The following FMNL2 variants were observed in gnomAD, a reference collection of about 807,000 sequenced individuals.
FMNL2 encodes formin-like protein 2.
FMNL2 carries 51 observed loss-of-function variants against 130.2 expected under a neutral mutation model. The observed-to-expected ratio is 0.39, with a 90% CI of 0.31 to 0.49. The LOEUF (loss-of-function observed/expected upper bound fraction) is 0.49, where lower values mean the gene tolerates loss of function less well. Ranked by LOEUF, FMNL2 falls within the 20% of genes least tolerant of loss-of-function variation. The probability of loss-of-function intolerance (pLI) is 0.85; values close to 1 mark genes in which losing one functional copy is unlikely to be tolerated. For missense variants in FMNL2, 977 were observed against 1,316.2 expected (o/e 0.74, Z 3.99); for synonymous variants, 465 against 467.1 (o/e 1.00, Z 0.06).
chr2:152,369,129 T>C (rs1683729228), intron 1 of FMNL2, among the ~76,000 whole-genome samples: 1 of 152,188 alleles, frequency 6.6e-6, no homozygotes, highest in African/African-American at 2.4e-5. Flanking sequence ...AAATCATACT[T>C]CCCACTTTGT....
chr2:152,533,722 A>G (rs1320741769), intron 2 of FMNL2, among the ~76,000 whole-genome samples: 1 of 152,040 alleles, frequency 6.6e-6, no homozygotes, highest in Non-Finnish European at 1.5e-5. Flanking sequence ...TTTATACAAT[A>G]TTGACTCTTC....
At chr2:152,439,320 T>G (rs16831125) in intron 1 of FMNL2, among the ~76,000 whole-genome samples, 12,134 of 152,174 alleles carry the variant, frequency 0.08, 1,176 homozygotes, top group East Asian at 0.52. Flanking sequence ...AACTTAACCT[T>G]TGAAAATAAG....
chr2:152,631,627 CTGA>C (rs1682176735), intron 20 of FMNL2, among the ~76,000 whole-genome samples: 1 of 152,038 alleles, frequency 6.6e-6, no homozygotes, highest in South Asian at 2.1e-4. Flanking sequence ...CAATTCAAAT[CTGA>C]TGAATTGTTT....
rs141984665 is a variant in FMNL2, at chr2:152,591,065, A to G, written c.876+10016A>G. ...TCTGTCACCACCCAGGCTGGGGTGC[A>G]GTGGCGCGATCTCAGCTCACTGCAA... On this transcript the variant is annotated intron_variant, in intron 9 of 25. Transcript: ENST00000288670. Among the ~76,000 whole-genome samples the G allele has an allele frequency of 7.2e-3, 905 of 125,866 alleles. 10 individuals carry two copies. The highest frequency in any genetic ancestry group is 0.026 in the African/African-American group (858 of 32,808). 82.6% of individuals were successfully genotyped at this position (125,866 alleles called of 152,430 possible). A position where few individuals can be genotyped will look rare whatever the true frequency, so the allele number is the denominator to read the frequency against.
intron 6 of FMNL2, among the ~76,000 whole-genome samples, chr2:152,570,590 C>T (rs1020197916): frequency 5.9e-5 from 9 of 152,170 alleles, no homozygotes; most frequent in Non-Finnish European, 1.0e-4. Context: ...AGATAATCAG[C>T]CTCAGTGGTC....
At chr2:152,599,058 G>T (rs1697907206) in intron 9 of FMNL2, among the ~76,000 whole-genome samples, 1 of 152,204 alleles carries the variant, frequency 6.6e-6, no homozygotes, top group Non-Finnish European at 1.5e-5. Flanking sequence ...AGATGAGAGA[G>T]AATTCACCCT....
At chr2:152,531,500 A>T (rs1160074351) in intron 2 of FMNL2, among the ~76,000 whole-genome samples, 1 of 150,272 alleles carries the variant, frequency 6.7e-6, no homozygotes, top group African/African-American at 2.5e-5. Flanking sequence ...CTTGAGACAG[A>T]GTGTCGGTCT....
chr2:152,618,545 T>A (rs1454296917), intron 13 of FMNL2, among the ~76,000 whole-genome samples: 3 of 152,212 alleles, frequency 2.0e-5, no homozygotes, highest in Non-Finnish European at 4.4e-5. Flanking sequence ...CTCAGGAGAT[T>A]CCAGAGTCAG....
chr2:152,490,731 T>A (rs1691126767), intron 1 of FMNL2, among the ~76,000 whole-genome samples: 1 of 145,432 alleles, frequency 6.9e-6, no homozygotes, highest in Non-Finnish European at 1.5e-5. Flanking sequence ...TTTATGGAGT[T>A]TAAGGAAAAA....
intron 9 of FMNL2, among the ~76,000 whole-genome samples, chr2:152,584,231 G>C (rs1249336597): frequency 3.3e-5 from 5 of 151,416 alleles, no homozygotes; most frequent in Non-Finnish European, 7.4e-5. Flanking sequence ...ATTATATTCT[G>C]GCATGCCTGT....
intron 1 of FMNL2, among the ~76,000 whole-genome samples, chr2:152,502,786 G>A (rs1287032086): frequency 1.3e-5 from 2 of 152,126 alleles, no homozygotes; most frequent in Non-Finnish European, 2.9e-5. Flanking sequence ...GTGGGTTTGC[G>A]AGTTTAGTAG....
At chr2:152,419,059 G>A (rs1686769849) in intron 1 of FMNL2, among the ~76,000 whole-genome samples, 1 of 150,998 alleles carries the variant, frequency 6.6e-6, no homozygotes, top group African/African-American at 2.4e-5. Context: ...TTATGCATAG[G>A]TTTTTTAAAA....
At chr2:152,354,641 G>A (rs1179910455) in intron 1 of FMNL2, among the ~76,000 whole-genome samples, 1 of 152,134 alleles carries the variant, frequency 6.6e-6, no homozygotes, top group Non-Finnish European at 1.5e-5. Flanking sequence ...AGAAATGAGA[G>A]CCTAGAATTT....
At chr2:152,452,087 T>C (rs1260353887) in intron 1 of FMNL2, among the ~76,000 whole-genome samples, 1 of 152,142 alleles carries the variant, frequency 6.6e-6, no homozygotes, top group Non-Finnish European at 1.5e-5. Context: ...GGCTCCCCTG[T>C]TCCCTTCACT....
At chr2:152,347,529 A>G (rs750363127) in intron 1 of FMNL2, among the ~76,000 whole-genome samples, 6 of 152,210 alleles carry the variant, frequency 3.9e-5, no homozygotes, top group Non-Finnish European at 5.9e-5. Flanking sequence ...AAAGTAAAGC[A>G]TGAATGGGGA....
intron 9 of FMNL2, among the ~76,000 whole-genome samples, chr2:152,584,540 T>A (rs775152670): frequency 5.9e-5 from 9 of 152,188 alleles, no homozygotes; most frequent in Admixed American, 2.6e-4. Flanking sequence ...CCTTTGGGCT[T>A]TGATCACTGT....
rs184620131 is a variant in FMNL2, at chr2:152,402,109, A to G, written c.117+66389A>G. 3.9e-3 allele frequency among the ~76,000 whole-genome samples: 589 copies of G among 152,028 alleles called. 6 individuals carry two copies. The highest frequency in any genetic ancestry group is 3.8e-3 in the Admixed American group (58 of 15,284). On this transcript the variant is annotated intron_variant, in intron 1 of 25. Transcript: ENST00000288670. ...AGTAGAGACAGGGTTTCACCATGTTAGCCAGGATGGTCTCGATCTCCTGAC... is the reference window on the plus strand; with the variant it reads ...AGTAGAGACAGGGTTTCACCATGTTGGCCAGGATGGTCTCGATCTCCTGAC...
intron 4 of FMNL2, among the ~76,000 whole-genome samples, chr2:152,551,689 T>C (rs1370500): frequency 0.17 from 26,068 of 152,178 alleles, 2,552 homozygotes; most frequent in African/African-American, 0.26. Flanking sequence ...AAGGAAGCCA[T>C]ATATTTTATT....
At chr2:152,338,021 G>GT (rs111784279) in intron 1 of FMNL2, among the ~76,000 whole-genome samples, 33,023 of 139,564 alleles carry the variant, frequency 0.24, 3,810 homozygotes, top group Middle Eastern at 0.37. Context: ...GATTTCTCTT[G>GT]TTTTTTTTTT....
Sources: gnomAD v4.1 joint callset for allele counts (sites outside exome capture counted in the v4.1 genomes callset) on GRCh38, gnomAD v4.1.1 for gene constraint, MANE v1.5 for transcripts, NCBI Gene and HGNC (gene_info 2026-07-23, HGNC 2026-07-21) for gene names.